The following MAML3 variants were observed in gnomAD, a reference collection of about 807,000 sequenced individuals.
MAML3 encodes mastermind like transcriptional coactivator 3, also known as mastermind-like protein 3.
MAML3 carries 27 observed loss-of-function variants against 101.9 expected under a neutral mutation model. That is an observed-to-expected ratio of 0.27 (90% confidence interval 0.20 to 0.37). The LOEUF (loss-of-function observed/expected upper bound fraction) is 0.37. MAML3 is among the 10% of genes least tolerant of loss of function. MAML3 has a pLI of 1.00. For synonymous variants in MAML3, 501 were observed against 555.9 expected (o/e 0.90, Z 1.39); for missense variants, 1,316 against 1,444.9 (o/e 0.91, Z 1.45).
chr4:139,888,630 A>C (rs1732387460), intron 2 of MAML3: 1 of 518,954 alleles, frequency 1.9e-6, no homozygotes, highest in Non-Finnish European at 3.8e-6. Flanking sequence ...CCAAGAGCCC[A>C]ACCTCCCATG....
Position 139,821,928 on chromosome 4 carries a change from C to T in MAML3, c.2079+67429G>A, listed in dbSNP as rs143596890. On this transcript the variant is annotated intron_variant, in intron 2 of 4. Coordinates refer to ENST00000509479, the MANE Select transcript of MAML3 (RefSeq NM_018717.5). Reference sequence around the variant, plus strand: ...TTTTTTAAATGATTATTTCCATGCTCACAACTGCCTATGGAGTTCAGTATT... The same window carrying T: ...TTTTTTAAATGATTATTTCCATGCTTACAACTGCCTATGGAGTTCAGTATT... 4.4e-3 allele frequency among the ~76,000 whole-genome samples: 677 copies of T among 152,254 alleles called. 4 individuals carry two copies. Among genetic ancestry groups the T allele is most frequent in the African/African-American group, 0.015 (638 of 41,550 alleles).
At chr4:139,765,250 A>G (rs1468196532) in intron 2 of MAML3, among the ~76,000 whole-genome samples, 1 of 152,266 alleles carries the variant, frequency 6.6e-6, no homozygotes, top group African/African-American at 2.4e-5. Flanking sequence ...CATGGACAAA[A>G]ATATGTATGC....
chr4:139,935,586 T>C (rs891295330), intron 1 of MAML3, among the ~76,000 whole-genome samples: 17 of 151,960 alleles, frequency 1.1e-4, no homozygotes, highest in Admixed American at 6.6e-5. Flanking sequence ...TAGGGCTTCC[T>C]TTATCTAACA....
chr4:139,794,355 G>A (rs1333809539), intron 2 of MAML3: 1 of 152,372 alleles, frequency 6.6e-6, no homozygotes, highest in African/African-American at 2.4e-5. Flanking sequence ...CAGACATCTA[G>A]TCAGCTGATT....
chr4:139,782,238 C>G (rs1401638942), intron 2 of MAML3, among the ~76,000 whole-genome samples: 1 of 152,204 alleles, frequency 6.6e-6, no homozygotes, highest in Admixed American at 6.5e-5. Flanking sequence ...TGATAGTTCA[C>G]TGCAGCCTCA....
chr4:140,082,966 G>A (rs192354365), intron 1 of MAML3, among the ~76,000 whole-genome samples: 24 of 152,104 alleles, frequency 1.6e-4, no homozygotes, highest in African/African-American at 5.3e-4. Flanking sequence ...AACTCTAACC[G>A]CTCAGGGTGT....
chr4:139,866,822 C>T (rs1026139214), intron 2 of MAML3, among the ~76,000 whole-genome samples: 3 of 152,138 alleles, frequency 2.0e-5, no homozygotes, highest in South Asian at 2.1e-4. Flanking sequence ...GAGGCTTGTG[C>T]GCCCACCCAC....
At chr4:139,852,186 G>A (rs903026008) in intron 2 of MAML3, among the ~76,000 whole-genome samples, 1 of 152,112 alleles carries the variant, frequency 6.6e-6, no homozygotes, top group African/African-American at 2.4e-5. Flanking sequence ...CCTCGCCAGG[G>A]TACTGAACAA....
intron 1 of MAML3, among the ~76,000 whole-genome samples, chr4:140,104,370 A>ACATATAATATATATATATTATATAT (rs1728301361): frequency 8.9e-5 from 2 of 22,552 alleles, no homozygotes; most frequent in Non-Finnish European, 1.6e-4. Flanking sequence ...TTTTATATAT[A>ACATATAATATATATATATTATATAT]TATATAATAT....
intron 1 of MAML3, among the ~76,000 whole-genome samples, chr4:139,934,182 GTGTGTGTGAATGTGTGTGTC>G (rs1392724430): frequency 2.0e-5 from 3 of 152,020 alleles, no homozygotes; most frequent in African/African-American, 7.3e-5. Context: ...GCATGTCTGA[GTGTGTGTGAATGTGTGTGTC>G]TGTGTGTGAT....
intron 2 of MAML3, among the ~76,000 whole-genome samples, chr4:139,775,436 C>T (rs991550888): frequency 6.6e-6 from 1 of 151,968 alleles, no homozygotes; most frequent in African/African-American, 2.4e-5. Context: ...ATTAGCTGGC[C>T]CTTGCGGTCT....
At chr4:140,130,325 G>T (rs1406901230) in intron 1 of MAML3, among the ~76,000 whole-genome samples, 7 of 152,146 alleles carry the variant, frequency 4.6e-5, no homozygotes, top group Admixed American at 4.6e-4. Context: ...AGTCCTATAG[G>T]TTGGCCCATT....
At chr4:140,040,270 G>T (rs1209846243) in intron 1 of MAML3, among the ~76,000 whole-genome samples, 2 of 152,196 alleles carry the variant, frequency 1.3e-5, no homozygotes, top group African/African-American at 4.8e-5. Flanking sequence ...CTGAAAGAGT[G>T]AATGGCTATT....
intron 2 of MAML3, among the ~76,000 whole-genome samples, chr4:139,790,595 A>C (rs1378858799): frequency 6.6e-6 from 1 of 151,992 alleles, no homozygotes; most frequent in African/African-American, 2.4e-5. Flanking sequence ...ACTTTGTCTT[A>C]TGAATTTACC....
intron 3 of MAML3, among the ~76,000 whole-genome samples, chr4:139,729,101 G>A (rs1171837066): frequency 1.3e-5 from 2 of 150,186 alleles, no homozygotes; most frequent in African/African-American, 4.9e-5. Context: ...CTGCCAGGCG[G>A]CTGACTGACC....
chr4:139,989,900 GAA>G (rs1332712514), intron 1 of MAML3, among the ~76,000 whole-genome samples: 7 of 150,162 alleles, frequency 4.7e-5, no homozygotes, highest in African/African-American at 1.5e-4. Flanking sequence ...GAGAGAGAGA[GAA>G]AGAGAGAGAG....
intron 1 of MAML3, among the ~76,000 whole-genome samples, chr4:140,128,520 G>C (rs1728722437): frequency 6.6e-6 from 1 of 152,154 alleles, no homozygotes; most frequent in Non-Finnish European, 1.5e-5. Flanking sequence ...TCAGCTCAGA[G>C]CTCCCCATGG....
At chr4:139,938,579 G>A (rs78755981) in intron 1 of MAML3, among the ~76,000 whole-genome samples, 2,051 of 152,306 alleles carry the variant, frequency 0.013, 60 homozygotes, top group African/African-American at 0.047. Context: ...GCTTGTGGGA[G>A]TAGAGTGATG....
chr4:139,863,296 T>C (rs1731821559), intron 2 of MAML3, among the ~76,000 whole-genome samples: 1 of 151,996 alleles, frequency 6.6e-6, no homozygotes, highest in Non-Finnish European at 1.5e-5. Context: ...CATTTGTTTG[T>C]TGTGAGATTT....
Sources: allele counts gnomAD v4.1 joint callset (sites outside exome capture counted in the v4.1 genomes callset), GRCh38; gene constraint gnomAD v4.1.1; transcripts MANE v1.5; gene names NCBI Gene and HGNC (gene_info 2026-07-23, HGNC 2026-07-21).